Variants in DYNC1I1 observed in about 807,000 individuals in gnomAD.
DYNC1I1 encodes the protein cytoplasmic dynein 1 intermediate chain 1.
Under a neutral mutation model 86.6 loss-of-function variants are expected in DYNC1I1, and 43 were observed. That is an observed-to-expected ratio of 0.50 (90% confidence interval 0.39 to 0.64). The LOEUF is 0.64. DYNC1I1 is among the 30% of genes least tolerant of loss of function. The pLI is 0.00. For missense variants in DYNC1I1, 604 were observed against 788.8 expected (o/e 0.77, Z 2.81); for synonymous variants, 262 against 283.7 (o/e 0.92, Z 0.77).
intron 16 of DYNC1I1, among the ~76,000 whole-genome samples, chr7:96,092,355 GTTTTA>G (rs1790874578): frequency 6.6e-6 from 1 of 152,006 alleles, no homozygotes; most frequent in Non-Finnish European, 1.5e-5. Flanking sequence ...ACATTTTTTT[GTTTTA>G]TTTAATATAC....
intron 5 of DYNC1I1, among the ~76,000 whole-genome samples, chr7:95,831,687 A>G (rs1316207044): frequency 1.3e-5 from 2 of 152,152 alleles, no homozygotes; most frequent in African/African-American, 4.8e-5. Flanking sequence ...TATTTTTAAT[A>G]ATAGTGATCC....
chr7:96,030,449 A>G (rs2115978280), intron 11 of DYNC1I1, among the ~76,000 whole-genome samples: 1 of 149,184 alleles, frequency 6.7e-6, no homozygotes, highest in Non-Finnish European at 1.5e-5. Flanking sequence ...GAGTTTTATT[A>G]CTCATGGAAG....
chr7:95,802,097 T>A (rs1794591077), intron 1 of DYNC1I1, among the ~76,000 whole-genome samples: 1 of 151,490 alleles, frequency 6.6e-6, no homozygotes, highest in African/African-American at 2.4e-5. Flanking sequence ...TCAACTTCAG[T>A]CCCCCATCCC....
chr7:95,936,935 G>C (rs886369467), intron 6 of DYNC1I1, among the ~76,000 whole-genome samples: 58 of 104,492 alleles, frequency 5.6e-4, no homozygotes, highest in Non-Finnish European at 1.2e-3. Context: ...TGTCCACAAA[G>C]GAATGGATAA....
intron 6 of DYNC1I1, among the ~76,000 whole-genome samples, chr7:95,957,063 T>C (rs987959567): frequency 4.6e-5 from 7 of 152,188 alleles, no homozygotes; most frequent in African/African-American, 1.4e-4. Context: ...AAACTCTGAT[T>C]CCAAATTATT....
chr7:95,791,232 A>C (rs1794293508), intron 1 of DYNC1I1, among the ~76,000 whole-genome samples: 1 of 152,144 alleles, frequency 6.6e-6, no homozygotes, highest in Non-Finnish European at 1.5e-5. Context: ...ATTTGTGCTC[A>C]CTTGGGGGTT....
At chr7:95,990,364 A>G (rs983758057) in intron 9 of DYNC1I1, among the ~76,000 whole-genome samples, 2 of 152,188 alleles carry the variant, frequency 1.3e-5, no homozygotes, top group Non-Finnish European at 2.9e-5. Flanking sequence ...TCCAGGATGC[A>G]AACCTGAGTA....
At chr7:96,035,503 T>C in intron 12 of DYNC1I1, 116 bp from the exon 13 acceptor site, 1 of 1,373,784 alleles carries the variant, frequency 7.3e-7, no homozygotes, top group East Asian at 2.7e-5. Context: ...AGCCGGGGTC[T>C]TTTGTAACGC....
At chr7:95,938,874 A>G (rs1287642681) in intron 6 of DYNC1I1, among the ~76,000 whole-genome samples, 2 of 151,950 alleles carry the variant, frequency 1.3e-5, no homozygotes, top group East Asian at 1.9e-4. Flanking sequence ...ATAAAAAACC[A>G]TTTTTTGTGA....
intron 1 of DYNC1I1, among the ~76,000 whole-genome samples, chr7:95,790,397 C>T (rs1307954837): frequency 6.6e-6 from 1 of 152,166 alleles, no homozygotes; most frequent in Non-Finnish European, 1.5e-5. Context: ...TCTTACCTCC[C>T]ACCTTTGTCC....
chr7:95,854,822 A>G (rs1789673824), intron 5 of DYNC1I1, among the ~76,000 whole-genome samples: 1 of 152,220 alleles, frequency 6.6e-6, no homozygotes, highest in African/African-American at 2.4e-5. Flanking sequence ...CAAAAAAAAT[A>G]GTGACGTACA....
At chr7:96,020,058 C>T (rs1283614780) in intron 10 of DYNC1I1, among the ~76,000 whole-genome samples, 1 of 150,252 alleles carries the variant, frequency 6.7e-6, no homozygotes, top group African/African-American at 2.5e-5. Context: ...GGCTTAGATA[C>T]CTCATATCCA....
At chr7:95,778,229 G>A (rs574847091) in intron 1 of DYNC1I1, among the ~76,000 whole-genome samples, 3 of 152,154 alleles carry the variant, frequency 2.0e-5, no homozygotes, top group East Asian at 1.9e-4. Flanking sequence ...GGAAAAAGGG[G>A]CCCCGAATAA....
At chr7:95,897,437 T>C (rs1454383541) in intron 6 of DYNC1I1, among the ~76,000 whole-genome samples, 1 of 142,812 alleles carries the variant, frequency 7.0e-6, no homozygotes, top group African/African-American at 2.5e-5. Context: ...TTGTCCTCTA[T>C]TGACCATGAT....
intron 6 of DYNC1I1, among the ~76,000 whole-genome samples, chr7:95,897,636 G>C (rs1291988028): frequency 1.3e-5 from 2 of 152,106 alleles, no homozygotes; most frequent in African/African-American, 4.8e-5. Flanking sequence ...GCCATGTATG[G>C]TTGCGACTTA....
At chr7:96,016,747 G>C (rs1030058626) in intron 10 of DYNC1I1, among the ~76,000 whole-genome samples, 2 of 152,082 alleles carry the variant, frequency 1.3e-5, no homozygotes, top group African/African-American at 4.8e-5. Flanking sequence ...TTACATGCTT[G>C]CTCTGTCAAG....
intron 14 of DYNC1I1, among the ~76,000 whole-genome samples, chr7:96,062,070 G>A (rs185937064): frequency 6.6e-6 from 1 of 152,332 alleles, no homozygotes; most frequent in East Asian, 1.9e-4. Context: ...AGAGGGTGGA[G>A]CGGTCTGTTG....
chr7:95,816,995 G>C (rs979923358), intron 4 of DYNC1I1, among the ~76,000 whole-genome samples: 1 of 152,082 alleles, frequency 6.6e-6, no homozygotes, highest in Admixed American at 6.6e-5. Context: ...CCTGAAGAAC[G>C]GCTTTTGTTT....
chr7:96,106,077 T>C (rs1306682607), intron 16 of DYNC1I1, among the ~76,000 whole-genome samples: 1 of 152,224 alleles, frequency 6.6e-6, no homozygotes, highest in African/African-American at 2.4e-5. Context: ...TATTAATTTG[T>C]TCAAAGAACC....
Sources: allele counts gnomAD v4.1 joint callset (sites outside exome capture counted in the v4.1 genomes callset), GRCh38; gene constraint gnomAD v4.1.1; transcripts MANE v1.5; gene names NCBI Gene and HGNC (gene_info 2026-07-23, HGNC 2026-07-21).